Variants in THAP7 observed in about 807,000 individuals in gnomAD.
THAP7 encodes the protein THAP domain containing 7.
THAP7 carries 22 observed loss-of-function variants against 29.2 expected under a neutral mutation model. The ratio of observed to expected loss-of-function variants is 0.75; its 90% CI spans 0.54 to 1.08. The LOEUF is 1.08. Ranked by LOEUF, THAP7 falls within the 50% of genes least tolerant of loss-of-function variation. THAP7 has a pLI of 0.00. For synonymous variants in THAP7, 208 were observed against 173.4 expected (o/e 1.20, Z -1.57); for missense variants, 448 against 416.2 (o/e 1.08, Z -0.66).
At chr22:21,000,994 C>T (rs1433859346) in intron 2 of THAP7, 1 of 888,038 alleles carries the variant, frequency 1.1e-6, no homozygotes, top group Non-Finnish European at 1.7e-6. Flanking sequence ...CCGAGCTGGG[C>T]TGACCAGCCA....
chr22:21,000,552 G>A (rs931591349), intron 3 of THAP7, 95 bp downstream of exon 3: 1 of 1,587,866 alleles, frequency 6.3e-7, no homozygotes, highest in South Asian at 1.1e-5. Flanking sequence ...TGTGTAGCAA[G>A]AACCCTGTCC....
In THAP7 at chr22:20,999,968, C is replaced by T. The variant is rs781225001; in HGVS notation, c.842G>A (p.Arg281Gln). The T allele has an allele frequency of 9.3e-6, 15 of 1,612,672 alleles. No homozygotes were observed. The highest frequency in any genetic ancestry group is 5.3e-5 in the African/African-American group (4 of 74,950). ...GGCATCTGCCTGTGCCCGCTTCTCC[C>T]GTGCCCGCTCCTGCTGCAGCTTGGT... Reference protein sequence around the residue: ...RLTKLQQERAREKRAQADARQ... With the variant: ...RLTKLQQERAQEKRAQADARQ... Residue 281 changes from arginine to glutamine, a missense_variant, in exon 4 of 4, where the codon CGG becomes CAG. Coordinates refer to ENST00000215742, the MANE Select transcript of THAP7 (RefSeq NM_030573.3).
At chr22:21,001,557 C>A in intron 1 of THAP7, 146 bp from the exon 2 acceptor site, 2 of 1,280,910 alleles carry the variant, frequency 1.6e-6, no homozygotes, top group South Asian at 1.4e-5. Context: ...ACCGCCCGGG[C>A]ACAGACGAGG....
Position 20,999,959 on chromosome 22 carries a change from C to A in THAP7, c.851G>T (p.Arg284Leu), listed in dbSNP as rs531259542. 3.7e-6 allele frequency: 6 copies of A among 1,612,444 alleles called. No individual in the cohort carries two copies. The East Asian group carries it at 1.3e-4, about 36-fold the overall frequency. The change falls in exon 4 of 4, where the codon CGG (arginine) becomes CTG (leucine). Residue 284 changes from arginine to leucine, a missense_variant. By Grantham distance (102) the Arg-to-Leu change is moderately radical (BLOSUM62 -2). Transcript: ENST00000215742. ...AGTCTGGCGGGCATCTGCCTGTGCC[C>A]GCTTCTCCCGTGCCCGCTCCTGCTG... ...KLQQERAREK[R>L]AQADARQTLK...
chr22:20,999,414 C>G lies in THAP7; in HGVS notation c.*466G>C, dbSNP rs1282091889. On this transcript the variant is annotated 3_prime_UTR_variant, in exon 4 of 4. Coordinates refer to ENST00000215742, the MANE Select transcript of THAP7 (RefSeq NM_030573.3). ...GGCTGATGGGGCCTGTGGACAGAAG[C>G]CTGTCATGCTCCTGCTTGAGAACCG... 6.2e-6 allele frequency: 1 copy of G among 160,276 alleles called. No individual in the cohort carries two copies. The highest frequency in any genetic ancestry group is 1.4e-5 in the Non-Finnish European group (1 of 72,812). The allele number at this position is 160,276 out of a possible 1,614,324, so 9.9% of individuals were successfully genotyped here.
chr22:21,001,398 CCTT>C lies in THAP7; in HGVS notation c.91_93del (p.Lys31del), dbSNP rs761208494. On this transcript the variant is annotated inframe_deletion, in exon 2 of 4. Coordinates refer to ENST00000215742, the MANE Select transcript of THAP7 (RefSeq NM_030573.3). ...AGCCACAAGCCTCGCCTCGGGTTGTCCTTCTTGGGAAGTCTGTGGAGCCACAAA... is the reference window on the plus strand; with the variant it reads ...AGCCACAAGCCTCGCCTCGGGTTGTCCTTGGGAAGTCTGTGGAGCCACAAA... 5.0e-6 allele frequency: 8 copies of C among 1,613,592 alleles called. No homozygotes were observed. Among genetic ancestry groups the C allele is most frequent in the Admixed American group, 1.7e-5 (1 of 60,008 alleles).
rs1925196429 is a variant in THAP7, at chr22:21,001,922, G to A, written c.-11C>T. On this transcript the variant is annotated 5_prime_UTR_variant, in exon 1 of 4. Coordinates refer to ENST00000215742, the MANE Select transcript of THAP7 (RefSeq NM_030573.3). ...GCAGTGACGCGGCATCTGGGAAAGA[G>A]GCGGGAGTTAAGTCGCAAGCGGCTC... 3 of 1,557,342 alleles carry A rather than the reference G, an allele frequency of 1.9e-6. No homozygotes were observed. Among genetic ancestry groups the A allele is most frequent in the Non-Finnish European group, 1.7e-6 (2 of 1,152,612 alleles).
rs373162265 is a variant in THAP7 at position 21,001,810 on chromosome 22, C to G, written c.80+22G>C. The G allele has an allele frequency of 1.5e-4, 224 of 1,543,172 alleles. No individual in the cohort carries two copies. In the African/African-American group the frequency reaches 2.5e-3, roughly 17 times the overall value. On this transcript the variant is annotated intron_variant, in intron 1 of 3. Coordinates refer to ENST00000215742, the MANE Select transcript of THAP7 (RefSeq NM_030573.3). ...AACAACTAGCGCATGCGCACGTGAG[C>G]CCGCGGCGCACGCGCGCTGACCTGT...
In THAP7 at chr22:21,001,944, G is replaced by C. The variant is rs1601728636; in HGVS notation, c.-33C>G. ...AGAGGCGGGAGTTAAGTCGCAAGCG[G>C]CTCTCCGGGCATCCGGAGGAGCCTC... On this transcript the variant is annotated 5_prime_UTR_variant, in exon 1 of 4. Coordinates refer to ENST00000215742, the MANE Select transcript of THAP7 (RefSeq NM_030573.3). 2 of 1,526,476 alleles carry C rather than the reference G, an allele frequency of 1.3e-6. No individual in the cohort carries two copies. The highest frequency in any genetic ancestry group is 5.0e-5 in the East Asian group (2 of 39,844). The allele number at this position is 1,526,476 out of a possible 1,614,324, so 94.6% of individuals were successfully genotyped here. A position where few individuals can be genotyped will look rare whatever the true frequency, so the allele number is the denominator to read the frequency against.
In THAP7 at chr22:21,000,336, A is replaced by G. The variant is rs762182285; in HGVS notation, c.474T>C (p.Thr158=). 14 of 1,553,820 alleles carry G rather than the reference A, an allele frequency of 9.0e-6. No homozygotes were observed. The highest frequency in any genetic ancestry group is 1.1e-5 in the Non-Finnish European group (13 of 1,148,662). ...FPVEEASAPA[T]LPASPAGRLE... ...GCCTCCCAGCTGGGGAGGCCGGCAA[A>G]GTGGCAGGTGCTGAGGCCTCTTCCA... is the stretch of plus-strand genomic sequence containing the variant. Residue 158 remains threonine, a synonymous_variant, in exon 4 of 4, where the codon ACT becomes ACC. Coordinates refer to ENST00000215742, the MANE Select transcript of THAP7 (RefSeq NM_030573.3).
Position 20,999,532 on chromosome 22 carries a change from T to C in THAP7, c.*348A>G, listed in dbSNP as rs552180314. 8.8e-5 allele frequency: 23 copies of C among 261,500 alleles called. No homozygotes were observed. The highest frequency in any genetic ancestry group is 4.4e-4 in the African/African-American group (20 of 44,954). 16.2% of individuals were successfully genotyped at this position (261,500 alleles called of 1,614,324 possible). A position where few individuals can be genotyped will look rare whatever the true frequency, so the allele number is the denominator to read the frequency against. Reference sequence around the variant, plus strand: ...CCTATGGAAAGGGCGCCTGGAGCTGTCTTCCTGGCCCCTACTCACACCATC... The same window carrying C: ...CCTATGGAAAGGGCGCCTGGAGCTGCCTTCCTGGCCCCTACTCACACCATC... On this transcript the variant is annotated 3_prime_UTR_variant, in exon 4 of 4. Transcript: ENST00000215742.
chr22:21,001,057 T>TA, intron 2 of THAP7, 199 bp downstream of exon 2: 1 of 885,734 alleles, frequency 1.1e-6, no homozygotes, highest in Non-Finnish European at 1.7e-6. Flanking sequence ...CTCTGAAAGA[T>TA]ACTCTCTGGA....
At position 21,000,393 on chromosome 22, in the gene THAP7, TG is replaced by T; in HGVS notation, c.416del (p.Pro139HisfsTer132). ...AGCAGGTGACATCAGCAGGTGGAGG[TG>T]GAGAAAATGGAGTTGTGGGCCCTCG... ...EGRGPTTPFS[P>X]PPPADVTCFP... On this transcript the variant is annotated frameshift_variant, in exon 4 of 4. Transcript: ENST00000215742. LOFTEE classifies it high-confidence loss of function. 1 of 1,550,764 alleles carries T rather than the reference TG, an allele frequency of 6.4e-7. No individual in the cohort carries two copies. The highest frequency in any genetic ancestry group is 8.7e-7 in the Non-Finnish European group (1 of 1,147,906).
In THAP7 at chr22:21,000,985, C is replaced by T; in HGVS notation, c.237-198G>A. 11 of 926,694 alleles carry T rather than the reference C, an allele frequency of 1.2e-5. No homozygotes were observed. The South Asian group carries it at 1.4e-4, about 12-fold the overall frequency. The allele number at this position is 926,694 out of a possible 1,614,324, so 57.4% of individuals were successfully genotyped here. A position where few individuals can be genotyped will look rare whatever the true frequency, so the allele number is the denominator to read the frequency against. Reference sequence around the variant, plus strand: ...AGGTGTGTGGAAAGCCTGCATAAGCCGAGCTGGGCTGACCAGCCAGAAAGA... The same window carrying T: ...AGGTGTGTGGAAAGCCTGCATAAGCTGAGCTGGGCTGACCAGCCAGAAAGA... On this transcript the variant is annotated intron_variant, in intron 2 of 3. Coordinates refer to ENST00000215742, the MANE Select transcript of THAP7 (RefSeq NM_030573.3).
chr22:20,999,919 C>T lies in THAP7; in HGVS notation c.891G>A (p.Val297=), dbSNP rs773979552. The change falls in exon 4 of 4, where the codon GTG becomes GTA. Residue 297 remains valine (V), a synonymous_variant. Transcript: ENST00000215742. ...ADARQTLKEH[V]QDFAMQLSSS... ...TGCTCAGCTGCATGGCAAAGTCCTG[C>T]ACATGCTCCTTCAGAGTCTGGCGGG... 6.2e-7 allele frequency: 1 copy of T among 1,611,380 alleles called. No homozygotes were observed. Among genetic ancestry groups the T allele is most frequent in the Admixed American group, 1.7e-5 (1 of 60,016 alleles).
chr22:21,001,653 C>T, intron 1 of THAP7, 179 bp downstream of exon 1: 1 of 884,338 alleles, frequency 1.1e-6, no homozygotes, highest in Non-Finnish European at 1.7e-6. Context: ...GGCTAGACTT[C>T]CCGTCCTCCC....
rs1388068554 is a variant in THAP7 at position 21,001,602 on chromosome 22, A to G, written c.81-191T>C. The G allele has an allele frequency of 3.1e-6, 3 of 957,620 alleles. No homozygotes were observed. In the Admixed American group the frequency reaches 8.7e-5, roughly 28 times the overall value. The allele number at this position is 957,620 out of a possible 1,614,324, so 59.3% of individuals were successfully genotyped here. A position where few individuals can be genotyped will look rare whatever the true frequency, so the allele number is the denominator to read the frequency against. ...CCTCGAGAAGAAAAGCAGTTTCCTC[A>G]GCGTCATCTGGCAGGTAACAGAGTG... On this transcript the variant is annotated intron_variant, in intron 1 of 3. Coordinates refer to ENST00000215742, the MANE Select transcript of THAP7 (RefSeq NM_030573.3).
At chr22:21,001,133 G>A in intron 2 of THAP7, 123 bp downstream of exon 2, 4 of 1,415,568 alleles carry the variant, frequency 2.8e-6, no homozygotes, top group Non-Finnish European at 3.9e-6. Flanking sequence ...ACTGTGCAGA[G>A]CTGGGAACAG....
At position 21,000,720 on chromosome 22, in the gene THAP7, T is replaced by C. The variant is rs748023160; in HGVS notation, c.304A>G (p.Thr102Ala). 1.2e-5 allele frequency: 20 copies of C among 1,614,066 alleles called. No individual in the cohort carries two copies. In the South Asian group the frequency reaches 1.5e-4, roughly 12 times the overall value. ...IFESFSKLRR[T>A]TKTKGHSYPP... Reference sequence around the variant, plus strand: ...TAACTGTGTCCTTTGGTCTTGGTTGTCCGGCGCAACTTGGAGAAAGACTCA... The same window carrying C: ...TAACTGTGTCCTTTGGTCTTGGTTGCCCGGCGCAACTTGGAGAAAGACTCA... Residue 102 changes from threonine (T) to alanine (A), a missense_variant, in exon 3 of 4, where the codon ACA becomes GCA. Coordinates refer to ENST00000215742, the MANE Select transcript of THAP7 (RefSeq NM_030573.3).
Sources: allele counts gnomAD v4.1 joint callset, GRCh38; gene constraint gnomAD v4.1.1; transcripts MANE v1.5; gene names NCBI Gene and HGNC (gene_info 2026-07-23, HGNC 2026-07-21).